SWI5: variants seen among roughly 807,000 people sequenced by gnomAD.
The protein encoded by SWI5 is SWI5 homologous recombination repair protein.
In SWI5, 12 loss-of-function variants were observed where a neutral mutation model predicts 17.0. That is an observed-to-expected ratio of 0.71 (90% CI 0.45 to 1.14). The LOEUF (loss-of-function observed/expected upper bound fraction) is 1.14, where lower values mean the gene tolerates loss of function less well. SWI5 is among the 50% of genes most tolerant of loss of function. The pLI is 0.00. For missense variants in SWI5, 158 were observed against 162.2 expected (o/e 0.97, Z 0.14); for synonymous variants, 61 against 64.0 (o/e 0.95, Z 0.22).
chr9:128,281,040 T>C (rs373391696), intron 2 of SWI5, among the ~76,000 whole-genome samples: 5,108 of 135,572 alleles, frequency 0.038, 137 homozygotes, highest in Middle Eastern at 0.083. Context: ...TTTTTTTTTT[T>C]TTTTTTTTTT....
At chr9:128,276,872 C>A in intron 2 of SWI5, 117 bp downstream of exon 2, 1 of 1,096,486 alleles carries the variant, frequency 9.1e-7, no homozygotes, top group Non-Finnish European at 1.3e-6. Flanking sequence ...TCCATATCTT[C>A]TCCCAGTCGA....
chr9:128,276,023 A>T (rs1342824510), upstream of SWI5: 1 of 1,591,396 alleles, frequency 6.3e-7, no homozygotes, highest in East Asian at 2.2e-5. Context: ...GCCACCGCGC[A>T]GCTGTGCGAC....
At chr9:128,287,141 CAAAA>C (rs35520517) in intron 4 of SWI5, among the ~76,000 whole-genome samples, 1 of 50,324 alleles carries the variant, frequency 2.0e-5, no homozygotes. Context: ...AACTCCATCT[CAAAA>C]AAAAAAAAAA....
chr9:128,280,855 C>T (rs1347367961), intron 2 of SWI5, among the ~76,000 whole-genome samples: 2 of 151,952 alleles, frequency 1.3e-5, no homozygotes, highest in African/African-American at 4.8e-5. Context: ...CCTCACTCAC[C>T]CATTCACACA....
intron 4 of SWI5, among the ~76,000 whole-genome samples, chr9:128,288,337 G>A (rs909119218): frequency 1.3e-5 from 2 of 152,234 alleles, no homozygotes; most frequent in African/African-American, 4.8e-5. Context: ...GTGGAGAATG[G>A]AATCGAGGAA....
chr9:128,282,440 T>C (rs1831555538), intron 2 of SWI5, among the ~76,000 whole-genome samples: 2 of 151,252 alleles, frequency 1.3e-5, no homozygotes, highest in Admixed American at 1.3e-4. Context: ...GAAAAAGGGA[T>C]AGTGAGTGAT....
At chr9:128,276,138 G>A (rs1323162093), upstream of SWI5, 2 of 1,566,706 alleles carry the variant, frequency 1.3e-6, no homozygotes, top group South Asian at 2.3e-5. Flanking sequence ...GCGGAAGGGG[G>A]CGTGGCTATG....
In SWI5 at chr9:128,285,707, T is replaced by A. The variant is rs192420952; in HGVS notation, c.234-232T>A. On this transcript the variant is annotated intron_variant, in intron 3 of 4. Transcript: ENST00000418976. The surrounding 1 kb of genome is among the most constrained non-coding windows in gnomAD (Gnocchi z 4.8). The stretch of plus-strand genomic sequence containing the variant: ...CAGGGTCACATGGTACCACTGTGGC[T>A]GGCAACCCCACCCTAAGGAGACAGG... Among the ~76,000 whole-genome samples the A allele has an allele frequency of 6.6e-6, 1 of 152,324 alleles. No individual in the cohort carries two copies. Among genetic ancestry groups the A allele is most frequent in the East Asian group, 1.9e-4 (1 of 5,184 alleles).
rs1831633257 is a variant in SWI5, at chr9:128,286,038, G to C, written c.328+5G>C. ...AGATGCTGATGGGCAAACTAGGTGAGTAGTTGGGACTCCAGAGCCACAAGC... is the reference window on the plus strand; with the variant it reads ...AGATGCTGATGGGCAAACTAGGTGACTAGTTGGGACTCCAGAGCCACAAGC... On this transcript the variant is annotated splice_donor_5th_base_variant and intron_variant, in intron 4 of 4. Transcript: ENST00000418976. 1 of 1,607,984 alleles carries C rather than the reference G, an allele frequency of 6.2e-7. No homozygotes were observed. The highest frequency in any genetic ancestry group is 1.3e-5 in the African/African-American group (1 of 74,912).
intron 2 of SWI5, among the ~76,000 whole-genome samples, chr9:128,277,263 T>C (rs1831426811): frequency 6.6e-6 from 1 of 152,062 alleles, no homozygotes; most frequent in South Asian, 2.1e-4. Context: ...TTAAGGTAGA[T>C]CGTGAGGGCC....
upstream of SWI5, chr9:128,276,083 CG>C: frequency 6.4e-7 from 1 of 1,571,028 alleles, no homozygotes; most frequent in Non-Finnish European, 8.6e-7. Flanking sequence ...AGAATGGGGG[CG>C]TGGCCTCAAA....
rs756578008 is a variant in SWI5, at chr9:128,285,899, A to C, written c.234-40A>C. ...CCTGGGGCCATCATCTGCTTTCTTA[A>C]CTGGGCTGTCTTTCCCCCTCTCTCC... On this transcript the variant is annotated intron_variant, in intron 3 of 4. Coordinates refer to ENST00000418976, the Ensembl canonical transcript of SWI5. This position sits in a 1 kb window ranked among gnomAD's most constrained non-coding sequence, Gnocchi z 4.8. 2 of 1,434,946 alleles carry C rather than the reference A, an allele frequency of 1.4e-6. No homozygotes were observed. The highest frequency in any genetic ancestry group is 3.4e-5 in the Admixed American group (2 of 59,382). The allele number at this position is 1,434,946 out of a possible 1,614,324, so 88.9% of individuals were successfully genotyped here.
chr9:128,283,126 C>A (rs1371004186), intron 2 of SWI5, among the ~76,000 whole-genome samples: 2 of 152,014 alleles, frequency 1.3e-5, no homozygotes, highest in East Asian at 3.9e-4. Flanking sequence ...ACCAGCCTGG[C>A]CAACATGGTG....
intron 2 of SWI5, among the ~76,000 whole-genome samples, chr9:128,282,311 C>T (rs541813232): frequency 3.9e-5 from 6 of 152,072 alleles, no homozygotes; most frequent in South Asian, 4.1e-4. Context: ...CGCTTGAATC[C>T]GGGAGGCGGA....
At chr9:128,287,393 C>T (rs980110247) in intron 4 of SWI5, among the ~76,000 whole-genome samples, 1 of 146,076 alleles carries the variant, frequency 6.8e-6, no homozygotes, top group Non-Finnish European at 1.5e-5. Context: ...GCGGAGGTTA[C>T]GGTGAGCCGA....
intron 2 of SWI5, among the ~76,000 whole-genome samples, chr9:128,280,842 TC>T (rs1419696288): frequency 6.6e-6 from 1 of 151,832 alleles, no homozygotes; most frequent in African/African-American, 2.4e-5. Context: ...CACACCACTA[TC>T]CCCTCACTCA....
intron 2 of SWI5, among the ~76,000 whole-genome samples, chr9:128,281,931 A>G (rs191109318): frequency 9.2e-5 from 14 of 152,288 alleles, no homozygotes; most frequent in Non-Finnish European, 1.6e-4. Context: ...TTTTTCAAAA[A>G]AATTCGCTGA....
Position 128,286,039 on chromosome 9 carries a change from T to C in SWI5, c.328+6T>C. ...GATGCTGATGGGCAAACTAGGTGAG[T>C]AGTTGGGACTCCAGAGCCACAAGCA... On this transcript the variant is annotated splice_donor_region_variant and intron_variant, in intron 4 of 4. Coordinates refer to ENST00000418976, the Ensembl canonical transcript of SWI5. 1 of 1,604,436 alleles carries C rather than the reference T, an allele frequency of 6.2e-7. No homozygotes were observed. Among genetic ancestry groups the C allele is most frequent in the Non-Finnish European group, 8.5e-7 (1 of 1,171,374 alleles).
upstream of SWI5, chr9:128,275,364 T>G: frequency 3.2e-6 from 4 of 1,265,328 alleles, no homozygotes; most frequent in Non-Finnish European, 4.0e-6. Flanking sequence ...TACATTCCAC[T>G]CCTAGGGGGA....
Sources: allele counts gnomAD v4.1 joint callset (sites outside exome capture counted in the v4.1 genomes callset), GRCh38; gene constraint gnomAD v4.1.1; non-coding constraint Gnocchi (gnomAD v3.1); transcripts MANE v1.5; gene names NCBI Gene and HGNC (gene_info 2026-07-23, HGNC 2026-07-21).